The following SCRN1 variants were observed in gnomAD, a reference collection of about 807,000 sequenced individuals.
SCRN1 encodes the protein secernin-1.
SCRN1 carries 19 observed loss-of-function variants against 43.3 expected under a neutral mutation model. The ratio of observed to expected loss-of-function variants is 0.44; its 90% CI spans 0.31 to 0.64. The LOEUF (loss-of-function observed/expected upper bound fraction) is 0.64. SCRN1 is among the 30% of genes least tolerant of loss of function. SCRN1 has a pLI of 0.09. For missense variants in SCRN1, 447 were observed against 524.1 expected, an observed-to-expected ratio of 0.85 and a Z score of 1.44; for synonymous variants, 183 against 188.9, an observed-to-expected ratio of 0.97 and a Z score of 0.26.
rs2128084607 is a variant in SCRN1, at chr7:29,922,528, A to T, written c.*1429T>A. ...TAGGCCCAACTGGTGCTCTCCCACTAGCTGCTGTATTTACATACACTTCTG... is the reference window on the plus strand; with the variant it reads ...TAGGCCCAACTGGTGCTCTCCCACTTGCTGCTGTATTTACATACACTTCTG... On this transcript the variant is annotated 3_prime_UTR_variant, in exon 8 of 8. Transcript: ENST00000242059. 6.6e-6 allele frequency: 1 copy of T among 152,350 alleles called. No homozygotes were observed. The highest frequency in any genetic ancestry group is 1.9e-4 in the East Asian group (1 of 5,188). The allele number at this position is 152,350 out of a possible 1,614,324, so 9.4% of individuals were successfully genotyped here.
intron 4 of SCRN1, among the ~76,000 whole-genome samples, chr7:29,943,487 G>A (rs1229708490): frequency 2.0e-5 from 3 of 152,150 alleles, no homozygotes; most frequent in African/African-American, 4.8e-5. Flanking sequence ...CTGTCTCACT[G>A]TGAGATAAAT....
At chr7:29,955,081 G>A (rs1788086334) in intron 3 of SCRN1, 98 bp downstream of exon 3, 10 of 977,206 alleles carry the variant, frequency 1.0e-5, no homozygotes, top group Non-Finnish European at 1.4e-5. Context: ...ATCTTTGGAA[G>A]GATTATGTTA....
Position 29,953,413 on chromosome 7 carries a change from C to T in SCRN1, c.341+1766G>A, listed in dbSNP as rs185428658. 5.9e-5 allele frequency among the ~76,000 whole-genome samples: 9 copies of T among 151,714 alleles called. No individual in the cohort carries two copies. The East Asian group carries it at 1.7e-3, about 29-fold the overall frequency. On this transcript the variant is annotated intron_variant, in intron 3 of 7. Coordinates refer to ENST00000242059, the MANE Select transcript of SCRN1 (RefSeq NM_014766.5). Reference sequence around the variant, plus strand: ...ATATATCAGGTGCTCTGAAGAAAGGCAAAAAATCCTCTTCCACTGTCCCTT... The same window carrying T: ...ATATATCAGGTGCTCTGAAGAAAGGTAAAAAATCCTCTTCCACTGTCCCTT...
intron 1 of SCRN1, among the ~76,000 whole-genome samples, chr7:29,972,818 T>C (rs952250986): frequency 6.6e-6 from 1 of 152,202 alleles, no homozygotes; most frequent in Non-Finnish European, 1.5e-5. Context: ...ATGTCCACCA[T>C]TCAATATGGT....
At chr7:29,976,099 C>A (rs919372767) in intron 1 of SCRN1, among the ~76,000 whole-genome samples, 3 of 152,090 alleles carry the variant, frequency 2.0e-5, no homozygotes, top group African/African-American at 7.2e-5. Flanking sequence ...ATATCTGCTA[C>A]TTTTTCTCCT....
At chr7:29,988,398 TAAC>T (rs1789232365) in intron 1 of SCRN1, among the ~76,000 whole-genome samples, 1 of 152,132 alleles carries the variant, frequency 6.6e-6, no homozygotes, top group African/African-American at 2.4e-5. Flanking sequence ...ACTTCCCACT[TAAC>T]AACTCCCAGG....
At position 29,981,036 on chromosome 7, in the gene SCRN1, T is replaced by C. The variant is rs55804936; in HGVS notation, c.-2+8606A>G. ...TTAAATTTTACTTCATCTAGTTATA[T>C]AGTTTTAAAATTCTTTACAGCAAGC... On this transcript the variant is annotated intron_variant, in intron 1 of 7. Transcript: ENST00000242059. 2.6e-3 allele frequency among the ~76,000 whole-genome samples: 389 copies of C among 152,248 alleles called. 1 individual carries two copies. Among genetic ancestry groups the C allele is most frequent in the African/African-American group, 8.9e-3 (369 of 41,540 alleles).
chr7:29,938,861 T>C (rs1787433004), intron 5 of SCRN1, among the ~76,000 whole-genome samples: 1 of 152,204 alleles, frequency 6.6e-6, no homozygotes, highest in Non-Finnish European at 1.5e-5. Context: ...TCTACACTTC[T>C]GTGTGTGTGT....
At chr7:29,955,074 T>A in intron 3 of SCRN1, 105 bp downstream of exon 3, 1 of 926,022 alleles carries the variant, frequency 1.1e-6, no homozygotes, top group Non-Finnish European at 1.7e-6. Flanking sequence ...ACACATCATC[T>A]TTGGAAGGAT....
intron 7 of SCRN1, 140 bp from the exon 8 acceptor site, chr7:29,924,255 G>A (rs141162754): frequency 8.2e-5 from 63 of 769,346 alleles, no homozygotes; most frequent in African/African-American, 6.7e-4. Context: ...CACGACTGCC[G>A]CAGGGATTGT....
At chr7:29,976,074 G>A (rs1788825820) in intron 1 of SCRN1, among the ~76,000 whole-genome samples, 1 of 152,102 alleles carries the variant, frequency 6.6e-6, no homozygotes, top group South Asian at 2.1e-4. Context: ...ATTCACGTTG[G>A]CAGAGTATAA....
rs368251776 is a variant in SCRN1 at position 29,924,197 on chromosome 7, A to G, written c.1087-82T>C. ...GGACACTGAAACCCTCTAGGGGGCC[A>G]GCTGGCTTCCTGCTCAAGGTCCTGT... On this transcript the variant is annotated intron_variant, in intron 7 of 7. Transcript: ENST00000242059. 4,674 of 1,434,270 alleles carry G rather than the reference A, an allele frequency of 3.3e-3. 10 individuals are homozygous for G. The highest frequency in any genetic ancestry group is 4.1e-3 in the Non-Finnish European group (4,407 of 1,065,928). 88.8% of individuals were successfully genotyped at this position (1,434,270 alleles called of 1,614,324 possible).
At chr7:29,949,188 G>A (rs572819801) in intron 3 of SCRN1, among the ~76,000 whole-genome samples, 5 of 151,512 alleles carry the variant, frequency 3.3e-5, no homozygotes, top group South Asian at 2.1e-4. Context: ...GGTGGCAGGC[G>A]CCTATAGTCC....
chr7:29,957,894 G>T (rs1361471018), intron 2 of SCRN1, among the ~76,000 whole-genome samples: 1 of 152,172 alleles, frequency 6.6e-6, no homozygotes, highest in African/African-American at 2.4e-5. Flanking sequence ...ATGTCATTAA[G>T]GCACAGAACT....
At chr7:29,960,028 AG>A (rs1788258656) in intron 2 of SCRN1, among the ~76,000 whole-genome samples, 1 of 21,986 alleles carries the variant, frequency 4.5e-5, no homozygotes, top group Non-Finnish European at 8.9e-5. Context: ...GGAGGGAGGG[AG>A]GGAGGGAGGA....
rs1562798013 is a variant in SCRN1 at position 29,923,060 on chromosome 7, G to A, written c.*897C>T. 6.6e-6 allele frequency: 1 copy of A among 152,084 alleles called. No individual in the cohort carries two copies. The highest frequency in any genetic ancestry group is 2.4e-5 in the African/African-American group (1 of 41,422). The allele number at this position is 152,084 out of a possible 1,614,324, so 9.4% of individuals were successfully genotyped here. A position where few individuals can be genotyped will look rare whatever the true frequency, so the allele number is the denominator to read the frequency against. On this transcript the variant is annotated 3_prime_UTR_variant, in exon 8 of 8. Coordinates refer to ENST00000242059, the MANE Select transcript of SCRN1 (RefSeq NM_014766.5). The stretch of plus-strand genomic sequence containing the variant: ...TGAGAGATTCACTACTCTGTGGGTG[G>A]AACTGTGCCATAGGGCCATTCAATT...
intron 1 of SCRN1, among the ~76,000 whole-genome samples, chr7:29,986,875 C>G (rs1789177031): frequency 1.3e-5 from 2 of 151,972 alleles, no homozygotes; most frequent in Admixed American, 1.3e-4. Flanking sequence ...CAGGCGCGTG[C>G]CACCATGCCC....
chr7:29,936,470 T>C (rs577425084), intron 6 of SCRN1, 86 bp downstream of exon 6: 14 of 1,233,872 alleles, frequency 1.1e-5, no homozygotes, highest in Non-Finnish European at 1.4e-5. Flanking sequence ...GGGGAGGACA[T>C]GGTCAGGCGC....
chr7:29,957,626 G>A (rs1005418149), intron 2 of SCRN1, among the ~76,000 whole-genome samples: 1 of 152,180 alleles, frequency 6.6e-6, no homozygotes, highest in African/African-American at 2.4e-5. Context: ...TTGTTGGATC[G>A]GTGGCTGAAT....
Sources: gnomAD v4.1 joint callset for allele counts (sites outside exome capture counted in the v4.1 genomes callset) on GRCh38, gnomAD v4.1.1 for gene constraint, MANE v1.5 for transcripts, NCBI Gene and HGNC (gene_info 2026-07-23, HGNC 2026-07-21) for gene names.